NCALD: variants seen among roughly 807,000 people sequenced by gnomAD.
The protein encoded by NCALD is neurocalcin-delta.
NCALD carries 10 observed loss-of-function variants against 18.6 expected under a neutral mutation model. The ratio of observed to expected loss-of-function variants is 0.54; its 90% CI spans 0.33 to 0.91. NCALD has a LOEUF of 0.91. Ranked by LOEUF, NCALD falls within the 40% of genes least tolerant of loss-of-function variation. The pLI, the probability that NCALD is intolerant of heterozygous loss-of-function variation, is 0.03. For missense variants in NCALD, 184 were observed against 247.6 expected (o/e 0.74, Z 1.72); for synonymous variants, 88 against 87.4 (o/e 1.01, Z -0.04).
rs149860778 is a variant in NCALD at position 101,884,929 on chromosome 8, T to C, written c.-20+2212A>G. On this transcript the variant is annotated intron_variant, in intron 4 of 6. Coordinates refer to the NCALD transcript ENST00000311028. ...CTCCATATTATTCCTAAATGAAAGG[T>C]ATTCTGTTGACAAAATCAATGTTTT... 7.6e-3 allele frequency among the ~76,000 whole-genome samples: 1,161 copies of C among 152,336 alleles called. 11 individuals carry two copies. Among genetic ancestry groups the C allele is most frequent in the Non-Finnish European group, 0.012 (794 of 68,024 alleles).
At chr8:102,054,893 G>A (rs922707932) in intron 1 of NCALD, among the ~76,000 whole-genome samples, 5 of 152,000 alleles carry the variant, frequency 3.3e-5, no homozygotes, top group African/African-American at 1.2e-4. Flanking sequence ...TTTCTCTGAA[G>A]AACACTGACT....
chr8:102,095,729 T>C (rs753116194), intron 1 of NCALD, among the ~76,000 whole-genome samples: 1 of 152,214 alleles, frequency 6.6e-6, no homozygotes, highest in Non-Finnish European at 1.5e-5. Context: ...AAGTGAAAGG[T>C]ATCTGAAGAT....
At chr8:101,827,810 A>G (rs1814001892) in intron 4 of NCALD, among the ~76,000 whole-genome samples, 1 of 152,156 alleles carries the variant, frequency 6.6e-6, no homozygotes, top group Non-Finnish European at 1.5e-5. Context: ...ACAATCAACC[A>G]CTGATTTTTC....
intron 2 of NCALD, among the ~76,000 whole-genome samples, chr8:101,961,772 C>T (rs1819844898): frequency 6.6e-6 from 1 of 152,094 alleles, no homozygotes; most frequent in Admixed American, 6.6e-5. Flanking sequence ...AGGACATTCT[C>T]GCCAACTCTA....
At chr8:101,906,255 T>A (rs1400479970) in intron 3 of NCALD, among the ~76,000 whole-genome samples, 1 of 152,196 alleles carries the variant, frequency 6.6e-6, no homozygotes, top group African/African-American at 2.4e-5. Context: ...TTTGTAAACA[T>A]CCTTGAATTT....
intron 2 of NCALD, among the ~76,000 whole-genome samples, chr8:102,007,667 C>T (rs765664520): frequency 6.6e-6 from 1 of 152,168 alleles, no homozygotes; most frequent in Non-Finnish European, 1.5e-5. Context: ...TTATTTTCAT[C>T]CATAAAAACA....
intron 1 of NCALD, among the ~76,000 whole-genome samples, chr8:101,772,141 G>A (rs1260441620): frequency 6.6e-6 from 1 of 152,200 alleles, no homozygotes; most frequent in Non-Finnish European, 1.5e-5. Flanking sequence ...AGGAGTTGGG[G>A]ATTCTAATGC....
intron 1 of NCALD, among the ~76,000 whole-genome samples, chr8:101,738,204 C>T (rs1045063571): frequency 2.6e-5 from 4 of 152,048 alleles, no homozygotes; most frequent in African/African-American, 9.7e-5. Flanking sequence ...TCTCAAGGGA[C>T]TTTTTTGGTG....
At chr8:101,805,135 T>C (rs1310016185) in intron 4 of NCALD, among the ~76,000 whole-genome samples, 1 of 152,164 alleles carries the variant, frequency 6.6e-6, no homozygotes, top group East Asian at 1.9e-4. Context: ...TCTAAGGGCA[T>C]ATAGACAATG....
In NCALD at chr8:102,050,779, TTTAA is replaced by T. The variant is rs947208766; in HGVS notation, c.-209-30494_-209-30491del. Among the ~76,000 whole-genome samples the T allele has an allele frequency of 2.5e-3, 367 of 146,354 alleles. 2 individuals are homozygous for T. The highest frequency in any genetic ancestry group is 1.6e-3 in the Non-Finnish European group (107 of 66,420). Reference sequence around the variant, plus strand: ...TATAAATATATAATTTTATTTTTAATTTAATTAACTAATTTTTAATTTAATTAAT... The same window carrying T: ...TATAAATATATAATTTTATTTTTAATTTAACTAATTTTTAATTTAATTAAT... On this transcript the variant is annotated intron_variant, in intron 1 of 6. Transcript: ENST00000311028.
intron 2 of NCALD, among the ~76,000 whole-genome samples, chr8:101,971,424 G>A (rs1381665838): frequency 1.3e-5 from 2 of 152,018 alleles, no homozygotes; most frequent in Non-Finnish European, 2.9e-5. Context: ...GGATCATGGG[G>A]GCAGTTTCCC....
rs186902828 is a variant in NCALD at position 101,901,776 on chromosome 8, C to A, written c.-107+14033G>T. 2.4e-3 allele frequency among the ~76,000 whole-genome samples: 361 copies of A among 148,662 alleles called. 1 individual carries two copies. The highest frequency in any genetic ancestry group is 8.6e-3 in the African/African-American group (338 of 39,520). ...TTATTGTACTTACCCCATTTTTATT[C>A]TTTGCATTACTCTTTTCTCTTCTTT... On this transcript the variant is annotated intron_variant, in intron 3 of 6. Coordinates refer to the NCALD transcript ENST00000311028.
intron 2 of NCALD, among the ~76,000 whole-genome samples, chr8:101,947,671 T>C (rs138442760): frequency 1.1e-3 from 175 of 152,354 alleles, no homozygotes; most frequent in African/African-American, 4.0e-3. Flanking sequence ...AAGTTTATAT[T>C]TTTTATTTTT....
intron 1 of NCALD, among the ~76,000 whole-genome samples, chr8:101,744,619 C>T (rs984849233): frequency 6.6e-6 from 1 of 152,170 alleles, no homozygotes; most frequent in Admixed American, 6.5e-5. Flanking sequence ...TACCATATAT[C>T]TTCATTGTCA....
intron 1 of NCALD, among the ~76,000 whole-genome samples, chr8:102,045,357 T>C (rs180808603): frequency 6.6e-6 from 1 of 152,200 alleles, no homozygotes; most frequent in Non-Finnish European, 1.5e-5. Flanking sequence ...GAAATGCACA[T>C]AGCTCACAAA....
At chr8:101,922,780 T>C (rs1316658189) in intron 2 of NCALD, among the ~76,000 whole-genome samples, 3 of 152,226 alleles carry the variant, frequency 2.0e-5, no homozygotes, top group Non-Finnish European at 2.9e-5. Flanking sequence ...TTTCTATATA[T>C]ACTATGTTTT....
chr8:102,048,733 G>A (rs1823332181), intron 1 of NCALD, among the ~76,000 whole-genome samples: 1 of 152,176 alleles, frequency 6.6e-6, no homozygotes, highest in Non-Finnish European at 1.5e-5. Context: ...TCTATTTGAA[G>A]AAGAGAAATA....
intron 1 of NCALD, among the ~76,000 whole-genome samples, chr8:102,102,377 T>C (rs1035321065): frequency 2.6e-5 from 4 of 152,056 alleles, no homozygotes; most frequent in Non-Finnish European, 5.9e-5. Flanking sequence ...TCCCCTTGAG[T>C]TCCACAGGGA....
chr8:102,033,810 G>A (rs1822765677), intron 1 of NCALD, among the ~76,000 whole-genome samples: 1 of 152,098 alleles, frequency 6.6e-6, no homozygotes, highest in Non-Finnish European at 1.5e-5. Context: ...ACCAACAAAG[G>A]AGGGATGTCT....
Sources: gnomAD v4.1 joint callset for allele counts (sites outside exome capture counted in the v4.1 genomes callset) on GRCh38, gnomAD v4.1.1 for gene constraint, MANE v1.5 for transcripts, NCBI Gene and HGNC (gene_info 2026-07-23, HGNC 2026-07-21) for gene names.